USP31: variants seen among roughly 807,000 people sequenced by gnomAD.
The protein encoded by USP31 is ubiquitin specific peptidase 31.
USP31 carries 44 observed loss-of-function variants against 119.4 expected under a neutral mutation model. The observed-to-expected ratio is 0.37, with a 90% CI of 0.29 to 0.47. The LOEUF (loss-of-function observed/expected upper bound fraction) is 0.47. Among genes scored for constraint, USP31 ranks in the 20% least tolerant of loss-of-function variants. The pLI is 0.99. For synonymous variants in USP31, 749 were observed against 705.6 expected, an observed-to-expected ratio of 1.06 and a Z score of -0.97; for missense variants, 1,643 against 1,730.2, an observed-to-expected ratio of 0.95 and a Z score of 0.89.
At position 23,063,048 on chromosome 16, in the gene USP31, T is replaced by C. The variant is rs1899914669; in HGVS notation, c.*4998A>G. On this transcript the variant is annotated 3_prime_UTR_variant, in exon 16 of 16. Transcript: ENST00000219689. ...GGATCCCACCCCTACATGAATTAGA[T>C]CAAAAGCTAGGGACTGGGACCCAGG... 6.6e-6 allele frequency: 1 copy of C among 152,336 alleles called. No individual in the cohort carries two copies. Among genetic ancestry groups the C allele is most frequent in the Admixed American group, 6.5e-5 (1 of 15,284 alleles). 9.4% of individuals were successfully genotyped at this position (152,336 alleles called of 1,614,324 possible).
intron 5 of USP31, among the ~76,000 whole-genome samples, chr16:23,103,350 A>C (rs1901963109): frequency 6.6e-6 from 1 of 152,262 alleles, no homozygotes; most frequent in Non-Finnish European, 1.5e-5. Context: ...AGTTAAATGT[A>C]GTATAGCCTT....
Position 23,062,924 on chromosome 16 carries a change from C to T in USP31, c.*5122G>A, listed in dbSNP as rs1003684024. ...GAGTAATTCAAATGGCAGTGATTCTCGCCATAATTCTCAGTAAAGGGATGA... is the reference window on the plus strand; with the variant it reads ...GAGTAATTCAAATGGCAGTGATTCTTGCCATAATTCTCAGTAAAGGGATGA... On this transcript the variant is annotated 3_prime_UTR_variant, in exon 16 of 16. Coordinates refer to ENST00000219689, the MANE Select transcript of USP31 (RefSeq NM_020718.4). 1 of 152,636 alleles carries T rather than the reference C, an allele frequency of 6.6e-6. No homozygotes were observed. The highest frequency in any genetic ancestry group is 1.5e-5 in the Non-Finnish European group (1 of 68,038). The allele number at this position is 152,636 out of a possible 1,614,324, so 9.5% of individuals were successfully genotyped here.
intron 1 of USP31, among the ~76,000 whole-genome samples, chr16:23,117,954 A>C (rs978512330): frequency 1.3e-5 from 2 of 152,024 alleles, no homozygotes; most frequent in African/African-American, 4.8e-5. Flanking sequence ...ACGTCCTGCT[A>C]ATTTTTGTAT....
In USP31 at chr16:23,080,105, G is replaced by A; in HGVS notation, c.2017C>T (p.Pro673Ser). Residue 673 changes from proline (P) to serine (S), a missense_variant, in exon 13 of 16, where the codon CCT becomes TCT. Coordinates refer to ENST00000219689, the MANE Select transcript of USP31 (RefSeq NM_020718.4). The part of the protein sequence containing the change: ...KFPLTGLDMT[P>S]HVVKRSQSSW... ...CTCTGGCTCCTCTTAACCACGTGAGGTGTCATGTCCAGGCCAGTCAAGGGG... is the reference window on the plus strand; with the variant it reads ...CTCTGGCTCCTCTTAACCACGTGAGATGTCATGTCCAGGCCAGTCAAGGGG... 2 of 1,611,674 alleles carry A rather than the reference G, an allele frequency of 1.2e-6. No homozygotes were observed. The highest frequency in any genetic ancestry group is 1.7e-6 in the Non-Finnish European group (2 of 1,178,852).
At chr16:23,089,872 T>C (rs1319929201) in intron 7 of USP31, among the ~76,000 whole-genome samples, 1 of 152,202 alleles carries the variant, frequency 6.6e-6, no homozygotes, top group Admixed American at 6.5e-5. Flanking sequence ...GAGCCAGTTT[T>C]AAAAGGAAAG....
intron 7 of USP31, 63 bp downstream of exon 7, chr16:23,090,561 C>T (rs1901311452): frequency 2.8e-6 from 4 of 1,424,140 alleles, no homozygotes; most frequent in Non-Finnish European, 3.7e-6. Context: ...TGCTTTTTAA[C>T]ATGTTTGAAA....
At chr16:23,075,027 C>T (rs1900504967) in intron 13 of USP31, among the ~76,000 whole-genome samples, 1 of 152,136 alleles carries the variant, frequency 6.6e-6, no homozygotes, top group Non-Finnish European at 1.5e-5. Context: ...GGGCCATAAC[C>T]ATTTCCGCAA....
In USP31 at chr16:23,063,919, A is replaced by T. The variant is rs943127655; in HGVS notation, c.*4127T>A. ...AAAGTTGATCAAAAGGCAGTGTGAG[A>T]GTGTTCATTTAAATAAAACCACTGG... On this transcript the variant is annotated 3_prime_UTR_variant, in exon 16 of 16. Coordinates refer to ENST00000219689, the MANE Select transcript of USP31 (RefSeq NM_020718.4). The T allele has an allele frequency of 2.0e-5, 3 of 152,270 alleles. No individual in the cohort carries two copies. Among genetic ancestry groups the T allele is most frequent in the South Asian group, 4.1e-4 (2 of 4,830 alleles). 9.4% of individuals were successfully genotyped at this position (152,270 alleles called of 1,614,324 possible).
intron 1 of USP31, among the ~76,000 whole-genome samples, chr16:23,140,177 AG>A (rs1375643436): frequency 1.3e-5 from 2 of 152,202 alleles, no homozygotes; most frequent in Non-Finnish European, 2.9e-5. Flanking sequence ...TGCAGCCTCA[AG>A]GCTAAACTGT....
In USP31 at chr16:23,102,349, A is replaced by G. The variant is rs768186191; in HGVS notation, c.1204T>C (p.Phe402Leu). 2.5e-6 allele frequency: 4 copies of G among 1,614,062 alleles called. No homozygotes were observed. The highest frequency in any genetic ancestry group is 2.2e-5 in the South Asian group (2 of 91,068). The change falls in exon 6 of 16, where the codon TTT becomes CTT. Residue 402 changes from phenylalanine to leucine, a missense_variant. By Grantham distance (22) the Phe-to-Leu change is conservative. Transcript: ENST00000219689. ...TGACTGAGAATTCCTTCAGGCCTAA[A>G]TATTTCGGGAGTCTCAAAGGCAAAA... ...CIFAFETPEI[F>L]RPEGILSQRG...
chr16:23,101,970 TAAAAAAAAAA>T (rs34773118), intron 6 of USP31, among the ~76,000 whole-genome samples: 1,710 of 85,610 alleles, frequency 0.02, 41 homozygotes, highest in Admixed American at 0.096. Flanking sequence ...TAGCAAAATT[TAAAAAAAAAA>T]AAAAAAAAAA....
chr16:23,137,348 T>C (rs1903224159), intron 1 of USP31, among the ~76,000 whole-genome samples: 1 of 152,198 alleles, frequency 6.6e-6, no homozygotes, highest in African/African-American at 2.4e-5. Flanking sequence ...TTGGTGAGAA[T>C]GTAAAATGGT....
intron 7 of USP31, among the ~76,000 whole-genome samples, chr16:23,088,851 G>GATGA (rs1419927197): frequency 2.6e-5 from 4 of 152,214 alleles, no homozygotes; most frequent in South Asian, 4.1e-4. Context: ...CTAGAAAATA[G>GATGA]ATGAATGAAT....
intron 6 of USP31, among the ~76,000 whole-genome samples, chr16:23,097,715 G>A (rs1901673653): frequency 6.6e-6 from 1 of 152,172 alleles, no homozygotes; most frequent in Non-Finnish European, 1.5e-5. Flanking sequence ...CAGAACCAAT[G>A]ACAAAAACCA....
chr16:23,096,032 A>G (rs1901592131), intron 6 of USP31, among the ~76,000 whole-genome samples: 1 of 152,258 alleles, frequency 6.6e-6, no homozygotes, highest in Non-Finnish European at 1.5e-5. Context: ...AAATGCCCCA[A>G]TTAAAAGACA....
chr16:23,113,338 T>C (rs150100633), intron 1 of USP31, among the ~76,000 whole-genome samples: 96 of 152,198 alleles, frequency 6.3e-4, no homozygotes, highest in Middle Eastern at 3.4e-3. Context: ...ACCTATCACA[T>C]GAGACAGAAC....
intron 5 of USP31, among the ~76,000 whole-genome samples, chr16:23,104,921 C>CA (rs1386585137): frequency 6.6e-6 from 1 of 152,218 alleles, no homozygotes; most frequent in Non-Finnish European, 1.5e-5. Context: ...GGCATGGGCA[C>CA]AACTTTCCTT....
chr16:23,070,277 C>G (rs1900290438), intron 15 of USP31, among the ~76,000 whole-genome samples: 1 of 152,174 alleles, frequency 6.6e-6, no homozygotes, highest in Admixed American at 6.5e-5. Flanking sequence ...TACCAGAACC[C>G]AGAACCCCTT....
chr16:23,137,001 C>T (rs1903213627), intron 1 of USP31, among the ~76,000 whole-genome samples: 1 of 151,936 alleles, frequency 6.6e-6, no homozygotes, highest in Non-Finnish European at 1.5e-5. Flanking sequence ...TCACTTGAGC[C>T]CAGGAGTTCA....
Sources: allele counts gnomAD v4.1 joint callset (sites outside exome capture counted in the v4.1 genomes callset), GRCh38; gene constraint gnomAD v4.1.1; transcripts MANE v1.5; gene names NCBI Gene and HGNC (gene_info 2026-07-23, HGNC 2026-07-21).